Variants in NTRK3 observed in about 807,000 individuals in gnomAD.
NTRK3 encodes the protein neurotrophic receptor tyrosine kinase 3, also known as NT-3 growth factor receptor.
A neutral mutation model predicts 91.7 loss-of-function variants in NTRK3; 24 were observed. The ratio of observed to expected loss-of-function variants is 0.26; its 90% CI spans 0.19 to 0.37. NTRK3 has a LOEUF of 0.37. Ranked by LOEUF, NTRK3 falls within the 10% of genes least tolerant of loss-of-function variation. The pLI is 1.00. For missense variants in NTRK3, 880 were observed against 1,068.9 expected, an observed-to-expected ratio of 0.82 and a Z score of 2.46; for synonymous variants, 483 against 404.0, an observed-to-expected ratio of 1.20 and a Z score of -2.34.
At chr15:87,997,406 A>T (rs1465628166) in intron 14 of NTRK3, among the ~76,000 whole-genome samples, 2 of 152,170 alleles carry the variant, frequency 1.3e-5, no homozygotes, top group Non-Finnish European at 2.9e-5. Flanking sequence ...TATATCCTTC[A>T]AAATTCTCAG....
chr15:87,902,585 C>CTCTA (rs1279610381), intron 17 of NTRK3, among the ~76,000 whole-genome samples: 2 of 152,114 alleles, frequency 1.3e-5, no homozygotes, highest in African/African-American at 4.8e-5. Flanking sequence ...AAGCAACAGG[C>CTCTA]TCTACATGGT....
intron 5 of NTRK3, among the ~76,000 whole-genome samples, chr15:88,169,182 G>T (rs1442820139): frequency 6.6e-6 from 1 of 152,158 alleles, no homozygotes; most frequent in Non-Finnish European, 1.5e-5. Context: ...CTAGGTTTCT[G>T]CATGGGCCTC....
At chr15:87,930,010 C>T (rs1469504243) in intron 16 of NTRK3, among the ~76,000 whole-genome samples, 1 of 152,140 alleles carries the variant, frequency 6.6e-6, no homozygotes, top group African/African-American at 2.4e-5. Context: ...GATTCCCTGG[C>T]CCTGCCCCCT....
chr15:88,021,489 TG>T (rs1157067171), intron 14 of NTRK3, among the ~76,000 whole-genome samples: 1 of 152,210 alleles, frequency 6.6e-6, no homozygotes, highest in African/African-American at 2.4e-5. Flanking sequence ...AGGTCCTTCT[TG>T]GTAAGTCTCA....
chr15:88,109,624 A>T (rs1405730721), intron 13 of NTRK3, among the ~76,000 whole-genome samples: 1 of 152,156 alleles, frequency 6.6e-6, no homozygotes, highest in Non-Finnish European at 1.5e-5. Flanking sequence ...CTCTGGCAGA[A>T]AGAGGTGGGG....
At chr15:87,943,416 G>A (rs2070101729) in intron 14 of NTRK3, among the ~76,000 whole-genome samples, 1 of 152,166 alleles carries the variant, frequency 6.6e-6, no homozygotes, top group South Asian at 2.1e-4. Flanking sequence ...CCTTCTCAGA[G>A]GCCCAACTAC....
chr15:87,915,491 T>G (rs2067384361), intron 17 of NTRK3, among the ~76,000 whole-genome samples: 1 of 152,252 alleles, frequency 6.6e-6, no homozygotes, highest in Admixed American at 6.5e-5. Flanking sequence ...AAGCTCTTCC[T>G]GCAGATGCCT....
intron 14 of NTRK3, among the ~76,000 whole-genome samples, chr15:87,944,553 T>C (rs2070234469): frequency 1.3e-5 from 2 of 152,228 alleles, no homozygotes; most frequent in East Asian, 1.9e-4. Context: ...AAGGACTCTC[T>C]TGTTTATGAC....
chr15:87,909,067 C>A (rs746381900), intron 17 of NTRK3, among the ~76,000 whole-genome samples: 86 of 152,236 alleles, frequency 5.6e-4, no homozygotes, highest in Non-Finnish European at 9.4e-4. Context: ...CGCAGAAAAT[C>A]CCTGAATTCA....
At chr15:88,091,548 T>C (rs2049014426) in intron 13 of NTRK3, among the ~76,000 whole-genome samples, 2 of 152,232 alleles carry the variant, frequency 1.3e-5, no homozygotes, top group Non-Finnish European at 2.9e-5. Context: ...CAATTAGTGA[T>C]GTCTGCTGTA....
intron 15 of NTRK3, 42 bp from the exon 16 acceptor site, chr15:87,933,226 C>A (rs1471974202): frequency 6.2e-7 from 1 of 1,605,118 alleles, no homozygotes; most frequent in Non-Finnish European, 8.5e-7. Context: ...AACTACAGGG[C>A]AGGGGGCTGT....
chr15:88,083,988 T>G (rs1462231740), intron 13 of NTRK3, among the ~76,000 whole-genome samples: 3 of 152,122 alleles, frequency 2.0e-5, no homozygotes, highest in Non-Finnish European at 4.4e-5. Context: ...TTAAAGCCCC[T>G]GTGGATTGCA....
intron 13 of NTRK3, among the ~76,000 whole-genome samples, chr15:88,055,099 A>T (rs2045565918): frequency 6.6e-6 from 1 of 152,202 alleles, no homozygotes; most frequent in South Asian, 2.1e-4. Flanking sequence ...GGTGTGGTGC[A>T]TCCAGTGAGC....
intron 5 of NTRK3, among the ~76,000 whole-genome samples, chr15:88,176,523 G>C (rs1175188275): frequency 6.6e-6 from 1 of 152,148 alleles, no homozygotes; most frequent in African/African-American, 2.4e-5. Flanking sequence ...CCCAAAGAAA[G>C]TAGACAGGAT....
At chr15:88,038,913 C>CT (rs1287155127) in intron 13 of NTRK3, among the ~76,000 whole-genome samples, 3 of 152,120 alleles carry the variant, frequency 2.0e-5, no homozygotes, top group African/African-American at 7.2e-5. Flanking sequence ...CCTGTAGCCC[C>CT]TCTAGGGGAG....
rs954659359 is a variant in NTRK3 at position 88,140,068 on chromosome 15, G to A, written c.465-2507C>T. 7.2e-5 allele frequency among the ~76,000 whole-genome samples: 11 copies of A among 152,162 alleles called. No individual in the cohort carries two copies. The East Asian group carries it at 9.6e-4, about 13-fold the overall frequency. ...TGCTGGGAAACAAAGCTGGAAGGGC[G>A]AGTGGAAGCCAGATAAGAGAGGACT... On this transcript the variant is annotated intron_variant, in intron 6 of 18. Transcript: ENST00000394480.
chr15:88,137,854 C>G (rs1026606561), intron 6 of NTRK3, among the ~76,000 whole-genome samples: 2 of 152,142 alleles, frequency 1.3e-5, no homozygotes, highest in Non-Finnish European at 2.9e-5. Context: ...AGATTGAGAC[C>G]ATCCTGACCA....
intron 14 of NTRK3, among the ~76,000 whole-genome samples, chr15:87,976,706 C>A (rs2141318135): frequency 6.6e-6 from 1 of 152,300 alleles, no homozygotes; most frequent in South Asian, 2.1e-4. Flanking sequence ...CTCCTGGCAG[C>A]CCACATGAAA....
intron 13 of NTRK3, among the ~76,000 whole-genome samples, chr15:88,044,351 C>T (rs928633936): frequency 6.7e-6 from 1 of 149,834 alleles, no homozygotes; most frequent in African/African-American, 2.5e-5. Flanking sequence ...AGCTCTGCCT[C>T]CCGGGTTCAC....
Sources: allele counts gnomAD v4.1 joint callset (sites outside exome capture counted in the v4.1 genomes callset), GRCh38; gene constraint gnomAD v4.1.1; transcripts MANE v1.5; gene names NCBI Gene and HGNC (gene_info 2026-07-23, HGNC 2026-07-21).